CYP1B1: variants seen among roughly 807,000 people sequenced by gnomAD.
CYP1B1 encodes cytochrome P450 1B1.
CYP1B1 carries 22 observed loss-of-function variants against 29.9 expected under a neutral mutation model. The ratio of observed to expected loss-of-function variants is 0.74; its 90% confidence interval spans 0.53 to 1.05. The LOEUF (loss-of-function observed/expected upper bound fraction) is 1.05, where lower values mean the gene tolerates loss of function less well. CYP1B1 is among the 50% of genes least tolerant of loss of function. CYP1B1 has a pLI of 0.00. For synonymous variants in CYP1B1, 375 were observed against 320.0 expected, an observed-to-expected ratio of 1.17 and a Z score of -1.83; for missense variants, 883 against 746.9, an observed-to-expected ratio of 1.18 and a Z score of -2.12.
In CYP1B1 at chr2:38,075,078, TG is replaced by T; in HGVS notation, c.310del (p.His104ThrfsTer48). On this transcript the variant is annotated frameshift_variant, in exon 2 of 3. Coordinates refer to ENST00000610745, the MANE Select transcript of CYP1B1 (RefSeq NM_000104.4). LOFTEE classifies it high-confidence loss of function. ...CGAGCCCTGCTGCACCAGGGCCTGGTGGATGGCGCGCTCGCCATTCAGCACC... is the reference window on the plus strand; with the variant it reads ...CGAGCCCTGCTGCACCAGGGCCTGGTGATGGCGCGCTCGCCATTCAGCACC... ...IVVLNGERAI[H>X]QALVQQGSAF... The T allele has an allele frequency of 6.3e-7, 1 of 1,581,998 alleles. No individual in the cohort carries two copies. The highest frequency in any genetic ancestry group is 8.5e-7 in the Non-Finnish European group (1 of 1,171,866).
chr2:38,075,147 T>C lies in CYP1B1; in HGVS notation c.242A>G (p.Tyr81Cys), dbSNP rs767413364. 5 of 1,574,722 alleles carry C rather than the reference T, an allele frequency of 3.2e-6. No individual in the cohort carries two copies. In the East Asian group the frequency reaches 6.9e-5, roughly 22 times the overall value. Reference sequence around the variant, plus strand: ...CAGGCGGATCTGGAAAACGTCGCCGTAGCGCCGCGCCAGGCGAGCGAACGA... The same window carrying C: ...CAGGCGGATCTGGAAAACGTCGCCGCAGCGCCGCGCCAGGCGAGCGAACGA... Reference protein sequence around the residue: ...HLSFARLARRYGDVFQIRLGS... With the variant: ...HLSFARLARRCGDVFQIRLGS... Residue 81 changes from tyrosine (Y) to cysteine (C), a missense_variant, in exon 2 of 3, where the codon TAC (tyrosine) becomes TGC (cysteine). Coordinates refer to ENST00000610745, the MANE Select transcript of CYP1B1 (RefSeq NM_000104.4).
Position 38,074,403 on chromosome 2 carries a change from C to A in CYP1B1, c.986G>T (p.Gly329Val). 2 of 1,613,432 alleles carry A rather than the reference C, an allele frequency of 1.2e-6. No homozygotes were observed. The highest frequency in any genetic ancestry group is 1.7e-6 in the Non-Finnish European group (2 of 1,179,994). Residue 329 changes from glycine (G) to valine (V), a missense_variant, in exon 2 of 3, where the codon GGC becomes GTC. Coordinates refer to ENST00000610745, the MANE Select transcript of CYP1B1 (RefSeq NM_000104.4). ...NVPATITDIF[G>V]ASQDTLSTAL... ...GGTGGACAGGGTGTCCTGGCTGGCGCCGAAGATGTCAGTGATAGTGGCCGG... is the reference window on the plus strand; with the variant it reads ...GGTGGACAGGGTGTCCTGGCTGGCGACGAAGATGTCAGTGATAGTGGCCGG...
rs529769268 is a variant in CYP1B1 at position 38,074,811 on chromosome 2, G to A, written c.578C>T (p.Pro193Leu). The A allele has an allele frequency of 4.6e-5, 73 of 1,577,046 alleles. No individual in the cohort carries two copies. In the South Asian group the frequency reaches 7.6e-4, roughly 16 times the overall value. ...CACGGCCACGACGGTCAGCGGCCTCGGGTCGAGGAAGGCGCCGTCCGCGCT... is the reference window on the plus strand; with the variant it reads ...CACGGCCACGACGGTCAGCGGCCTCAGGTCGAGGAAGGCGCCGTCCGCGCT... Reference protein sequence around the residue: ...RGSADGAFLDPRPLTVVAVAN... With the variant: ...RGSADGAFLDLRPLTVVAVAN... Residue 193 changes from proline (P) to leucine (L), a missense_variant, in exon 2 of 3, where the codon CCG becomes CTG. Transcript: ENST00000610745.
Position 38,069,245 on chromosome 2 carries a change from G to C in CYP1B1, c.*1477C>G, listed in dbSNP as rs890685009. 4.5e-6 allele frequency: 1 copy of C among 223,528 alleles called. No homozygotes were observed. The highest frequency in any genetic ancestry group is 8.9e-6 in the Non-Finnish European group (1 of 111,948). The allele number at this position is 223,528 out of a possible 1,614,324, so 13.8% of individuals were successfully genotyped here. On this transcript the variant is annotated 3_prime_UTR_variant, in exon 3 of 3. Coordinates refer to ENST00000610745, the MANE Select transcript of CYP1B1 (RefSeq NM_000104.4). ...TCTGATTCTGACTTTCCAAAAAGCAGGCATTAATGTTAACTTTCAAAAAAT... is the reference window on the plus strand; with the variant it reads ...TCTGATTCTGACTTTCCAAAAAGCACGCATTAATGTTAACTTTCAAAAAAT...
At chr2:38,074,070 G>T (rs750502321) in intron 2 of CYP1B1, 1 of 559,312 alleles carries the variant, frequency 1.8e-6, no homozygotes, top group Non-Finnish European at 3.2e-6. Context: ...GGGGTGGAGG[G>T]GTCTTTGCAA....
chr2:38,071,038 T>C lies in CYP1B1; in HGVS notation c.1316A>G (p.Asn439Ser). The change falls in exon 3 of 3, where the codon AAC (asparagine) becomes AGC (serine). Residue 439 changes from asparagine (N) to serine (S), a missense_variant. By Grantham distance (46) the Asn-to-Ser change is conservative. Transcript: ENST00000610745. ...GTCCAAGAATCGAGCTGGATCAAAG[T>C]TCTCCGGGTTAGGCCACTTCAGTGG... is the stretch of plus-strand genomic sequence containing the variant. ...HDPLKWPNPE[N>S]FDPARFLDKD... is the part of the protein sequence containing the mutation. 6.2e-7 allele frequency: 1 copy of C among 1,614,138 alleles called. No individual in the cohort carries two copies. The highest frequency in any genetic ancestry group is 8.5e-7 in the Non-Finnish European group (1 of 1,180,010).
In CYP1B1 at chr2:38,071,221, A is replaced by G. The variant is rs1275572421; in HGVS notation, c.1133T>C (p.Leu378Pro). 6.2e-7 allele frequency: 1 copy of G among 1,613,326 alleles called. No individual in the cohort carries two copies. Among genetic ancestry groups the G allele is most frequent in the Non-Finnish European group, 8.5e-7 (1 of 1,180,042 alleles). ...RLPCMGDQPN[L>P]PYVLAFLYEA... is the part of the protein sequence containing the mutation. ...ATAAAGGAAGGCCAGGACATAGGGC[A>G]GGTTGGGCTGGTCACCCATACAAGG... The change falls in exon 3 of 3, where the codon CTG becomes CCG. Residue 378 changes from leucine (L) to proline (P), a missense_variant. Transcript: ENST00000610745.
At chr2:38,075,467 T>G in intron 1 of CYP1B1, 78 bp from the exon 2 acceptor site, 5 of 1,443,358 alleles carry the variant, frequency 3.5e-6, no homozygotes, top group Non-Finnish European at 4.8e-6. Flanking sequence ...TACCCCAGCC[T>G]CTGGGGACTG....
rs2125316271 is a variant in CYP1B1 at position 38,075,017 on chromosome 2, A to G, written c.372T>C (p.Arg124=). Reference sequence around the variant, plus strand: ...CCATGCTGCGGCCGCCGGACACCACACGGAAGGAGGCGAAGGCCGGCCGGT... The same window carrying G: ...CCATGCTGCGGCCGCCGGACACCACGCGGAAGGAGGCGAAGGCCGGCCGGT... The part of the protein sequence containing the change: ...FADRPAFASF[R]VVSGGRSMAF... The change falls in exon 2 of 3, where the codon CGT becomes CGC. Residue 124 remains arginine (R), a synonymous_variant. Coordinates refer to ENST00000610745, the MANE Select transcript of CYP1B1 (RefSeq NM_000104.4). 2 of 1,592,148 alleles carry G rather than the reference A, an allele frequency of 1.3e-6. No homozygotes were observed. The highest frequency in any genetic ancestry group is 1.7e-6 in the Non-Finnish European group (2 of 1,177,156).
In CYP1B1 at chr2:38,070,963, G is replaced by GA. The variant is rs777515179; in HGVS notation, c.1390dup (p.Ser464PhefsTer14). On this transcript the variant is annotated frameshift_variant, in exon 3 of 3. Coordinates refer to ENST00000610745, the MANE Select transcript of CYP1B1 (RefSeq NM_000104.4). LOFTEE classifies it high-confidence loss of function. ...GCCAATGCACCGCCTTTTGCCCACTGAAAAAATCATCACTCTGCTGGTCAG... is the reference window on the plus strand; with the variant it reads ...GCCAATGCACCGCCTTTTGCCCACTGAAAAAAATCATCACTCTGCTGGTCAG... The GA allele has an allele frequency of 2.5e-6, 4 of 1,613,874 alleles. No individual in the cohort carries two copies. Among genetic ancestry groups the GA allele is most frequent in the African/African-American group, 1.3e-5 (1 of 74,914 alleles).
In CYP1B1 at chr2:38,069,904, T is replaced by C. The variant is rs1375363320; in HGVS notation, c.*818A>G. 1 of 200,792 alleles carries C rather than the reference T, an allele frequency of 5.0e-6. No homozygotes were observed. The highest frequency in any genetic ancestry group is 2.3e-5 in the African/African-American group (1 of 43,642). 12.4% of individuals were successfully genotyped at this position (200,792 alleles called of 1,614,324 possible). On this transcript the variant is annotated 3_prime_UTR_variant, in exon 3 of 3. Coordinates refer to ENST00000610745, the MANE Select transcript of CYP1B1 (RefSeq NM_000104.4). Reference sequence around the variant, plus strand: ...ACATTATGGTCACATAATTTAAAGCTTGGCTGGCTTTTTTTTTTTTCTTTG... The same window carrying C: ...ACATTATGGTCACATAATTTAAAGCCTGGCTGGCTTTTTTTTTTTTCTTTG...
chr2:38,070,997 T>G lies in CYP1B1; in HGVS notation c.1357A>C (p.Asn453His). The G allele has an allele frequency of 6.2e-7, 1 of 1,614,152 alleles. No individual in the cohort carries two copies. The highest frequency in any genetic ancestry group is 1.3e-5 in the African/African-American group (1 of 75,038). ...ARFLDKDGLI[N>H]KDLTSRVMIF... ...ATCACTCTGCTGGTCAGGTCCTTGTTGATGAGGCCATCCTTGTCCAAGAAT... is the reference window on the plus strand; with the variant it reads ...ATCACTCTGCTGGTCAGGTCCTTGTGGATGAGGCCATCCTTGTCCAAGAAT... The change falls in exon 3 of 3, where the codon AAC (asparagine) becomes CAC (histidine). Residue 453 changes from asparagine (N) to histidine (H), a missense_variant. By Grantham distance (68) the Asn-to-His change is moderately conservative. Coordinates refer to ENST00000610745, the MANE Select transcript of CYP1B1 (RefSeq NM_000104.4).
Position 38,074,968 on chromosome 2 carries a change from A to G in CYP1B1, c.421T>C (p.Trp141Arg). 6.3e-7 allele frequency: 1 copy of G among 1,581,960 alleles called. No homozygotes were observed. Among genetic ancestry groups the G allele is most frequent in the Non-Finnish European group, 8.5e-7 (1 of 1,172,060 alleles). The change falls in exon 2 of 3, where the codon TGG (tryptophan) becomes CGG (arginine). Residue 141 changes from tryptophan (W) to arginine (R), a missense_variant. Transcript: ENST00000610745. ...TGGGCTGCGCGCCGCTGCACCTTCC[A>G]GTGCTCCGAGTAGTGGCCGAAAGCC... ...SMAFGHYSEH[W>R]KVQRRAAHSM...
chr2:38,074,017 T>C (rs1682477847), intron 2 of CYP1B1: 2 of 453,994 alleles, frequency 4.4e-6, no homozygotes, highest in Admixed American at 3.7e-5. Context: ...GAGAGAGATA[T>C]CAGGGCTCAT....
rs1362569287 is a variant in CYP1B1, at chr2:38,074,353, A to G, written c.1036T>C (p.Phe346Leu). 6.2e-7 allele frequency: 1 copy of G among 1,613,252 alleles called. No individual in the cohort carries two copies. The highest frequency in any genetic ancestry group is 8.5e-7 in the Non-Finnish European group (1 of 1,179,948). ...STALQWLLLLFTRYPDVQTRV... is the reference protein window; with the variant it reads ...STALQWLLLLLTRYPDVQTRV... The stretch of plus-strand genomic sequence containing the variant: ...GCCTCCCAGAGGCTTTACCTGGTGA[A>G]GAGGAGGAGCAGCCACTGCAGCGCG... The change falls in exon 2 of 3, where the codon TTC (phenylalanine) becomes CTC (leucine). Residue 346 changes from phenylalanine to leucine, a missense_variant. By Grantham distance (22) the Phe-to-Leu change is conservative. Transcript: ENST00000610745.
At position 38,070,937 on chromosome 2, in the gene CYP1B1, C is replaced by T. The variant is rs138388190; in HGVS notation, c.1417G>A (p.Glu473Lys). The change falls in exon 3 of 3, where the codon GAA becomes AAA. Residue 473 changes from glutamate (E) to lysine (K), a missense_variant. Coordinates refer to ENST00000610745, the MANE Select transcript of CYP1B1 (RefSeq NM_000104.4). ...AAAAGCTGCATCTTAGAAAGTTCTT[C>T]GCCAATGCACCGCCTTTTGCCCACT... is the stretch of plus-strand genomic sequence containing the variant. ...FSVGKRRCIG[E>K]ELSKMQLFLF... The T allele has an allele frequency of 3.2e-5, 51 of 1,614,186 alleles. No homozygotes were observed. The highest frequency in any genetic ancestry group is 8.9e-5 in the East Asian group (4 of 44,884).
Position 38,068,939 on chromosome 2 carries a change from C to T in CYP1B1, c.*1783G>A, listed in dbSNP as rs1682370830. The T allele has an allele frequency of 4.4e-6, 1 of 228,136 alleles. No homozygotes were observed. The highest frequency in any genetic ancestry group is 8.7e-6 in the Non-Finnish European group (1 of 114,964). 14.1% of individuals were successfully genotyped at this position (228,136 alleles called of 1,614,324 possible). A position where few individuals can be genotyped will look rare whatever the true frequency, so the allele number is the denominator to read the frequency against. On this transcript the variant is annotated 3_prime_UTR_variant, in exon 3 of 3. Transcript: ENST00000610745. ...CCCCCACCCCACACACACATACACA[C>T]AACTATCAAAAACTCCCTTTTTTAA...
intron 2 of CYP1B1, among the ~76,000 whole-genome samples, chr2:38,071,769 A>G (rs1217191642): frequency 1.3e-5 from 2 of 152,206 alleles, no homozygotes; most frequent in Non-Finnish European, 2.9e-5. Flanking sequence ...ATTTTAATGC[A>G]TTCATCTTTA....
At chr2:38,072,956 T>C (rs976470876) in intron 2 of CYP1B1, among the ~76,000 whole-genome samples, 1 of 152,242 alleles carries the variant, frequency 6.6e-6, no homozygotes, top group East Asian at 1.9e-4. Context: ...TTTATTTCTT[T>C]TTGCCGCCTA....
Sources: gnomAD v4.1 joint callset for allele counts (sites outside exome capture counted in the v4.1 genomes callset) on GRCh38, gnomAD v4.1.1 for gene constraint, MANE v1.5 for transcripts, NCBI Gene and HGNC (gene_info 2026-07-23, HGNC 2026-07-21) for gene names.